Variants in CCDC38 observed in about 807,000 individuals in gnomAD.
CCDC38 encodes the protein coiled-coil domain containing 38, also known as coiled-coil domain-containing protein 38.
CCDC38 carries 69 observed loss-of-function variants against 72.8 expected under a neutral mutation model. The observed-to-expected ratio is 0.95, with a 90% confidence interval of 0.78 to 1.16. CCDC38 has a LOEUF of 1.16. Ranked by LOEUF, CCDC38 falls within the 50% of genes most tolerant of loss-of-function variation. The probability of loss-of-function intolerance (pLI) is 0.00; values close to 1 mark genes in which losing one functional copy is unlikely to be tolerated. For synonymous variants in CCDC38, 201 were observed against 213.2 expected (o/e 0.94, Z 0.50); for missense variants, 626 against 638.9 (o/e 0.98, Z 0.22).
chr12:95,920,353 C>T (rs1280047513), intron 2 of CCDC38, among the ~76,000 whole-genome samples: 1 of 152,178 alleles, frequency 6.6e-6, no homozygotes, highest in Non-Finnish European at 1.5e-5. Flanking sequence ...AATTATGAGG[C>T]CTCCCCAACC....
chr12:95,917,945 G>A (rs1251380841), intron 3 of CCDC38, among the ~76,000 whole-genome samples: 10 of 151,504 alleles, frequency 6.6e-5, no homozygotes, highest in Admixed American at 6.6e-4. Context: ...CTCCCCAGTA[G>A]ATATTTAAAA....
At chr12:95,888,037 GA>G (rs2079779529) in intron 10 of CCDC38, among the ~76,000 whole-genome samples, 1 of 152,170 alleles carries the variant, frequency 6.6e-6, no homozygotes, top group South Asian at 2.1e-4. Context: ...TAAGGGTTGA[GA>G]ACGAGTGACT....
At chr12:95,895,285 A>C in intron 7 of CCDC38, 139 bp from the exon 8 acceptor site, 1 of 540,332 alleles carries the variant, frequency 1.9e-6, no homozygotes, top group Non-Finnish European at 3.1e-6. Flanking sequence ...TGGCCATAAA[A>C]ATATGGGCTT....
At chr12:95,867,548 C>T (rs956316732) in intron 15 of CCDC38, among the ~76,000 whole-genome samples, 1 of 152,160 alleles carries the variant, frequency 6.6e-6, no homozygotes, top group African/African-American at 2.4e-5. Context: ...GCCAGTTTTT[C>T]GTCCATGGTT....
intron 4 of CCDC38, among the ~76,000 whole-genome samples, chr12:95,908,189 G>C (rs1199488624): frequency 1.3e-5 from 2 of 151,878 alleles, no homozygotes; most frequent in East Asian, 2.0e-4. Context: ...ACTGAGTGAA[G>C]GAGACTCCGT....
rs150058696 is a variant in CCDC38, at chr12:95,935,340, C to T, written c.37+1133G>A. ...TCAGCCTCCCTTGGAGGCAGGTCAG[C>T]GGAAGTGGTGAATGCAACTTCAGGG... On this transcript the variant is annotated intron_variant, in intron 2 of 15. Coordinates refer to ENST00000344280, the MANE Select transcript of CCDC38 (RefSeq NM_182496.3). 30 of 156,494 alleles carry T rather than the reference C, an allele frequency of 1.9e-4. No individual in the cohort carries two copies. In the East Asian group the frequency reaches 3.0e-3, roughly 16 times the overall value. The allele number at this position is 156,494 out of a possible 1,614,324, so 9.7% of individuals were successfully genotyped here.
At chr12:95,927,413 AT>A (rs1457770380) in intron 2 of CCDC38, among the ~76,000 whole-genome samples, 1 of 148,252 alleles carries the variant, frequency 6.7e-6, no homozygotes, top group Admixed American at 6.8e-5. Context: ...CCATCCTTTT[AT>A]TTTGAGCCTA....
chr12:95,894,035 A>G (rs1251093570), intron 8 of CCDC38, among the ~76,000 whole-genome samples: 1 of 152,192 alleles, frequency 6.6e-6, no homozygotes, highest in Admixed American at 6.5e-5. Context: ...CCTGGCCAAC[A>G]TGGTGAAACC....
At chr12:95,927,412 T>A (rs1252009005) in intron 2 of CCDC38, among the ~76,000 whole-genome samples, 2 of 149,842 alleles carry the variant, frequency 1.3e-5, no homozygotes, top group African/African-American at 4.9e-5. Context: ...TCCATCCTTT[T>A]ATTTTGAGCC....
chr12:95,888,490 G>A lies in CCDC38; in HGVS notation c.888C>T (p.Ser296=). ...GRDSQGKPSR[S]LTRTPEKKKS... ...TCTTTTTCTCTGGAGTGCGAGTCAG[G>A]CTTCTGCTTGGCTTTCCTGTTCAAA... Residue 296 remains serine, a synonymous_variant, in exon 10 of 16, where the codon AGC becomes AGT. Coordinates refer to ENST00000344280, the MANE Select transcript of CCDC38 (RefSeq NM_182496.3). 1.2e-6 allele frequency: 2 copies of A among 1,614,036 alleles called. No homozygotes were observed. Among genetic ancestry groups the A allele is most frequent in the Non-Finnish European group, 1.7e-6 (2 of 1,180,012 alleles).
chr12:95,901,694 G>A (rs1406617549), intron 5 of CCDC38, among the ~76,000 whole-genome samples: 1 of 152,162 alleles, frequency 6.6e-6, no homozygotes, highest in Non-Finnish European at 1.5e-5. Flanking sequence ...GGTGTGAATA[G>A]ACCAATTGCT....
At chr12:95,902,426 T>C (rs1370034764) in intron 5 of CCDC38, among the ~76,000 whole-genome samples, 2 of 152,182 alleles carry the variant, frequency 1.3e-5, no homozygotes, top group Non-Finnish European at 2.9e-5. Flanking sequence ...TCTGTCACTA[T>C]AGACGAACTT....
intron 13 of CCDC38, among the ~76,000 whole-genome samples, chr12:95,873,981 G>A (rs1230303821): frequency 2.0e-5 from 3 of 152,044 alleles, no homozygotes; most frequent in African/African-American, 7.2e-5. Context: ...AGAAAACTTG[G>A]AGAAATACAT....
chr12:95,920,341 A>G (rs1364174137), intron 2 of CCDC38, among the ~76,000 whole-genome samples: 1 of 152,226 alleles, frequency 6.6e-6, no homozygotes, highest in Non-Finnish European at 1.5e-5. Context: ...ACTTTCCACC[A>G]TAATTATGAG....
At chr12:95,908,181 T>C (rs1045138424) in intron 4 of CCDC38, among the ~76,000 whole-genome samples, 3 of 151,738 alleles carry the variant, frequency 2.0e-5, no homozygotes, top group Admixed American at 6.6e-5. Context: ...CATTGAGCAC[T>C]GAGTGAAGGA....
chr12:95,922,693 G>A (rs1313465596), intron 2 of CCDC38, among the ~76,000 whole-genome samples: 2 of 152,150 alleles, frequency 1.3e-5, no homozygotes, highest in African/African-American at 4.8e-5. Context: ...TGTCAAGGCA[G>A]CACATACAAT....
In CCDC38 at chr12:95,906,556, CT is replaced by C. The variant is rs568859176; in HGVS notation, c.305-106del. On this transcript the variant is annotated intron_variant, in intron 4 of 15. Transcript: ENST00000344280. ...AATTATTCTACAGTATGTATCTGAT[CT>C]TTTAAAAATACTATATCTTGAAATA... The C allele has an allele frequency of 3.9e-3, 2,853 of 740,374 alleles. 40 individuals are homozygous for C. The highest frequency in any genetic ancestry group is 0.028 in the South Asian group (1,456 of 51,790). The allele number at this position is 740,374 out of a possible 1,614,324, so 45.9% of individuals were successfully genotyped here.
At chr12:95,917,079 T>G (rs1034136592) in intron 4 of CCDC38, 50 bp downstream of exon 4, 1 of 1,472,464 alleles carries the variant, frequency 6.8e-7, no homozygotes, top group Non-Finnish European at 9.1e-7. Flanking sequence ...AAACCTGACA[T>G]TAATAGTAAA....
At position 95,911,896 on chromosome 12, in the gene CCDC38, T is replaced by A. The variant is rs575235781; in HGVS notation, c.304+5233A>T. Among the ~76,000 whole-genome samples the A allele has an allele frequency of 1.7e-4, 26 of 152,182 alleles. No individual in the cohort carries two copies. The South Asian group carries it at 4.8e-3, about 28-fold the overall frequency. On this transcript the variant is annotated intron_variant, in intron 4 of 15. Coordinates refer to ENST00000344280, the MANE Select transcript of CCDC38 (RefSeq NM_182496.3). Reference sequence around the variant, plus strand: ...ACCTCCCCAAAAATAAATTGTTCTGTCAAAAAGACACATGCACTTGTATGT... The same window carrying A: ...ACCTCCCCAAAAATAAATTGTTCTGACAAAAAGACACATGCACTTGTATGT...
Sources: gnomAD v4.1 joint callset for allele counts (sites outside exome capture counted in the v4.1 genomes callset) on GRCh38, gnomAD v4.1.1 for gene constraint, MANE v1.5 for transcripts, NCBI Gene and HGNC (gene_info 2026-07-23, HGNC 2026-07-21) for gene names.